FASN: variants seen among roughly 807,000 people sequenced by gnomAD.
FASN encodes the protein 3-hydroxyacyl-[acyl-carrier-protein] dehydratase.
A neutral mutation model predicts 250.0 loss-of-function variants in FASN; 50 were observed. The observed-to-expected ratio is 0.20, with a 90% confidence interval of 0.16 to 0.25. The LOEUF (loss-of-function observed/expected upper bound fraction) is 0.25. Ranked by LOEUF, FASN falls within the 10% of genes least tolerant of loss-of-function variation. The pLI, the probability that FASN is intolerant of heterozygous loss-of-function variation, is 1.00. For synonymous variants in FASN, 1,909 were observed against 1,584.0 expected, an observed-to-expected ratio of 1.21 and a Z score of -4.87; for missense variants, 3,031 against 3,498.5, an observed-to-expected ratio of 0.87 and a Z score of 3.37.
chr17:82,079,367 T>C lies in FASN; in HGVS notation c.7388A>G (p.Asn2463Ser), dbSNP rs531752860. The change falls in exon 42 of 43, where the codon AAC (asparagine) becomes AGC (serine). Residue 2463 changes from asparagine (N) to serine (S), a missense_variant. Coordinates refer to ENST00000306749, the MANE Select transcript of FASN (RefSeq NM_004104.5). The stretch of plus-strand genomic sequence containing the variant: ...AGGCCCCTTGCGCACCTGGGAGAGG[T>C]TGTAGTCCGCGCCCAGGTCCTCGCC... ...AYGEDLGADYNLSQVCDGKVS... is the reference protein window; with the variant it reads ...AYGEDLGADYSLSQVCDGKVS... 1.2e-6 allele frequency: 2 copies of C among 1,612,796 alleles called. No homozygotes were observed. The highest frequency in any genetic ancestry group is 1.1e-5 in the South Asian group (1 of 91,082).
In FASN at chr17:82,093,289, G is replaced by A. The variant is rs1351345895; in HGVS notation, c.585C>T (p.Asn195=). ...VGGINVLLKP[N]TSVQFLRLGM... ...CCAGCCTCAAGAACTGCACGGAGGT[G>A]TTGGGCTTCAGCAGGACATTGATGC... Residue 195 remains asparagine (N), a synonymous_variant, in exon 5 of 43, where the codon AAC becomes AAT. Coordinates refer to ENST00000306749, the MANE Select transcript of FASN (RefSeq NM_004104.5). The A allele has an allele frequency of 1.9e-5, 30 of 1,597,462 alleles. No homozygotes were observed. The highest frequency in any genetic ancestry group is 2.3e-5 in the Non-Finnish European group (27 of 1,173,044).
intron 38 of FASN, 65 bp from the exon 39 acceptor site, chr17:82,080,987 A>G: frequency 6.8e-7 from 1 of 1,479,296 alleles, no homozygotes; most frequent in East Asian, 2.4e-5. Context: ...ACGCAAGGAC[A>G]CACAGACACG....
At chr17:82,081,492 G>A in intron 37 of FASN, 109 bp downstream of exon 37, 1 of 1,588,246 alleles carries the variant, frequency 6.3e-7, no homozygotes, top group Non-Finnish European at 8.6e-7. Flanking sequence ...CCCGCACCCT[G>A]GCTCTGCAGA....
intron 37 of FASN, 74 bp from the exon 38 acceptor site, chr17:82,081,426 C>G: frequency 6.4e-7 from 1 of 1,564,554 alleles, no homozygotes; most frequent in Non-Finnish European, 8.6e-7. Context: ...GGCTGACACC[C>G]AGGGGTGCGT....
chr17:82,086,193 G>C, intron 22 of FASN, 61 bp downstream of exon 22: 1 of 1,534,222 alleles, frequency 6.5e-7, no homozygotes, highest in Non-Finnish European at 8.7e-7. Context: ...TCCTGCAACT[G>C]ATGTCAGGGT....
At position 82,087,988 on chromosome 17, in the gene FASN, G is replaced by A. The variant is rs755643560; in HGVS notation, c.2832C>T (p.Phe944=). 41 of 1,612,524 alleles carry A rather than the reference G, an allele frequency of 2.5e-5. No individual in the cohort carries two copies. Among genetic ancestry groups the A allele is most frequent in the Non-Finnish European group, 3.0e-5 (35 of 1,179,948 alleles). Residue 944 remains phenylalanine (F), a synonymous_variant, in exon 18 of 43, where the codon TTC becomes TTT. Transcript: ENST00000306749. ...EVRLLEASRA[F]EVSENGNLVV... is the part of the protein sequence containing the mutation. ...CCAGGTTGCCGTTCTCTGACACCTC[G>A]AAGGCACGGGAGGCCTCCAGGAGCC...
chr17:82,096,793 C>A lies in FASN; in HGVS notation c.-7-341G>T, dbSNP rs148714029. On this transcript the variant is annotated intron_variant, in intron 1 of 42. Coordinates refer to ENST00000306749, the MANE Select transcript of FASN (RefSeq NM_004104.5). ...TGTGTCGGCTTCCACTCGCCTGAGT[C>A]TCAGCCTTCCAAGGCTCCTGGAGCT... 974 of 374,420 alleles carry A rather than the reference C, an allele frequency of 2.6e-3. 4 individuals are homozygous for A. Among genetic ancestry groups the A allele is most frequent in the Non-Finnish European group, 3.4e-3 (662 of 193,156 alleles). The allele number at this position is 374,420 out of a possible 1,614,324, so 23.2% of individuals were successfully genotyped here. A position where few individuals can be genotyped will look rare whatever the true frequency, so the allele number is the denominator to read the frequency against.
rs1176385720 is a variant in FASN, at chr17:82,080,363, C to G, written c.7047+7G>C. ...CCGTAGGCCTCTAGGACCAGCCTGGCTCTCACCTGGGTGTAGGCCAGTACG... is the reference window on the plus strand; with the variant it reads ...CCGTAGGCCTCTAGGACCAGCCTGGGTCTCACCTGGGTGTAGGCCAGTACG... On this transcript the variant is annotated splice_region_variant and intron_variant, in intron 40 of 42. Transcript: ENST00000306749. 6.2e-7 allele frequency: 1 copy of G among 1,604,146 alleles called. No individual in the cohort carries two copies. Among genetic ancestry groups the G allele is most frequent in the Non-Finnish European group, 8.5e-7 (1 of 1,176,036 alleles).
intron 3 of FASN, among the ~76,000 whole-genome samples, chr17:82,094,379 G>A (rs1419812012): frequency 6.6e-6 from 1 of 151,552 alleles, no homozygotes; most frequent in Non-Finnish European, 1.5e-5. Context: ...GCCCCTGGTG[G>A]GCTGGCTCTG....
rs1568108642 is a variant in FASN at position 82,084,633 on chromosome 17, A to C, written c.4648T>G (p.Ser1550Ala). Residue 1550 changes from serine to alanine, a missense_variant, in exon 27 of 43, where the codon TCG (serine) becomes GCG (alanine). Ser to Ala is a moderately conservative substitution (Grantham distance 99). Transcript: ENST00000306749. ...CAGGTGGGCTGGGCATGGCGCAGCG[A>C]GGAGCAGACCCAGCGGATGGAGGAC... The part of the protein sequence containing the change: ...DLSSIRWVCS[S>A]LRHAQPTCPG... 2 of 1,603,198 alleles carry C rather than the reference A, an allele frequency of 1.2e-6. No homozygotes were observed. Among genetic ancestry groups the C allele is most frequent in the African/African-American group, 1.3e-5 (1 of 74,960 alleles).
chr17:82,097,985 C>T (rs1197151514), intron 1 of FASN, 136 bp downstream of exon 1: 1 of 288,866 alleles, frequency 3.5e-6, no homozygotes, highest in African/African-American at 2.2e-5. Flanking sequence ...GGACAGGCCG[C>T]CCAGGCGACC....
chr17:82,083,095 C>T lies in FASN; in HGVS notation c.5586G>A (p.Glu1862=), dbSNP rs1399385389. 3.0e-5 allele frequency: 49 copies of T among 1,610,590 alleles called. No homozygotes were observed. The highest frequency in any genetic ancestry group is 4.0e-5 in the Non-Finnish European group (47 of 1,179,974). Residue 1862 remains glutamate, a synonymous_variant, in exon 33 of 43, where the codon GAG becomes GAA. Transcript: ENST00000306749. ...TGGGTTTGGCCCCCTTCAGCACTGC[C>T]TCCGGCTCCTCCGCAAGCACCTGCG... The part of the protein sequence containing the change: ...VVVQVLAEEP[E]AVLKGAKPKL...
In FASN at chr17:82,084,142, T is replaced by G. The variant is rs867655381; in HGVS notation, c.4931A>C (p.Glu1644Ala). ...WDVPSNWTLE[E>A]AASVPVVYST... ...GTAGACGACAGGCACCGAGGCCGCC[T>G]CCTCCAGCGTCCTGGGGATGCAGCA... The change falls in exon 29 of 43, where the codon GAG (glutamate) becomes GCG (alanine). Residue 1644 changes from glutamate to alanine, a missense_variant. Glu to Ala is a moderately radical substitution (Grantham distance 107). Transcript: ENST00000306749. 6.3e-7 allele frequency: 1 copy of G among 1,595,512 alleles called. No individual in the cohort carries two copies. Among genetic ancestry groups the G allele is most frequent in the African/African-American group, 1.3e-5 (1 of 74,492 alleles).
intron 6 of FASN, 40 bp downstream of exon 6, chr17:82,092,857 C>T (rs2034236588): frequency 1.3e-6 from 2 of 1,587,750 alleles, no homozygotes; most frequent in South Asian, 2.3e-5. Flanking sequence ...CCCCGGCTCC[C>T]ACCTGCCCCC....
rs751021875 is a variant in FASN, at chr17:82,083,785, G to C, written c.5205C>G (p.His1735Gln). ...GGGGCCACTCACCCTTCCCGCCCGT[G>C]TGCCACAGCACATGCTGCTCGAAGG... is the stretch of plus-strand genomic sequence containing the variant. Reference protein sequence around the residue: ...DTSFEQHVLWHTGGKGVDLVL... With the variant: ...DTSFEQHVLWQTGGKGVDLVL... Residue 1735 changes from histidine (H) to glutamine (Q), a missense_variant, in exon 30 of 43, where the codon CAC becomes CAG. By Grantham distance (24) the His-to-Gln change is conservative. Transcript: ENST00000306749. 3 of 1,611,770 alleles carry C rather than the reference G, an allele frequency of 1.9e-6. No individual in the cohort carries two copies. The highest frequency in any genetic ancestry group is 1.7e-5 in the Admixed American group (1 of 59,924).
In FASN at chr17:82,085,771, T is replaced by TG; in HGVS notation, c.3832dup (p.Gln1278ProfsTer87). 6.4e-7 allele frequency: 1 copy of TG among 1,564,342 alleles called. No individual in the cohort carries two copies. The highest frequency in any genetic ancestry group is 8.7e-7 in the Non-Finnish European group (1 of 1,154,828). On this transcript the variant is annotated frameshift_variant, in exon 23 of 43. Coordinates refer to ENST00000306749, the MANE Select transcript of FASN (RefSeq NM_004104.5). LOFTEE classifies it high-confidence loss of function. ...CTCGGCCTGGGCAGCCTCCAGGGCC[T>TG]GGGGGTGGCGGTCGGTGGCCGTGTA...
In FASN at chr17:82,082,352, G is replaced by C; in HGVS notation, c.5982C>G (p.Pro1994=). The change falls in exon 35 of 43, where the codon CCC becomes CCG. Residue 1994 remains proline, a synonymous_variant. Coordinates refer to ENST00000306749, the MANE Select transcript of FASN (RefSeq NM_004104.5). ...TPEFFQDVCK[P]KYSGTLNLDR... ...CCAGGTTCAGGGTGCCGCTGTACTTGGGCTTGCAGACGTCCTGGAAGAACT... is the reference window on the plus strand; with the variant it reads ...CCAGGTTCAGGGTGCCGCTGTACTTCGGCTTGCAGACGTCCTGGAAGAACT... The C allele has an allele frequency of 6.2e-7, 1 of 1,612,856 alleles. No individual in the cohort carries two copies. The highest frequency in any genetic ancestry group is 8.5e-7 in the Non-Finnish European group (1 of 1,180,008).
chr17:82,095,749 G>A (rs2034292562), intron 2 of FASN, among the ~76,000 whole-genome samples: 1 of 152,158 alleles, frequency 6.6e-6, no homozygotes, highest in South Asian at 2.1e-4. Flanking sequence ...GAGGCTGGGG[G>A]ACCATCTGCC....
chr17:82,080,975 C>T, intron 38 of FASN, 53 bp from the exon 39 acceptor site: 1 of 1,515,318 alleles, frequency 6.6e-7, no homozygotes, highest in Non-Finnish European at 9.0e-7. Context: ...GCCCTGGCAC[C>T]CACGCAAGGA....
Sources: allele counts gnomAD v4.1 joint callset (sites outside exome capture counted in the v4.1 genomes callset), GRCh38; gene constraint gnomAD v4.1.1; transcripts MANE v1.5; gene names NCBI Gene and HGNC (gene_info 2026-07-23, HGNC 2026-07-21).